DOCK4: variants seen among roughly 807,000 people sequenced by gnomAD.
DOCK4 encodes the protein dedicator of cytokinesis protein 4.
DOCK4 carries 97 observed loss-of-function variants against 268.1 expected under a neutral mutation model. The observed-to-expected ratio is 0.36, with a 90% CI of 0.31 to 0.43. DOCK4 has a LOEUF of 0.43. Ranked by LOEUF, DOCK4 falls within the 20% of genes least tolerant of loss-of-function variation. The probability of loss-of-function intolerance (pLI) is 1.00; values close to 1 mark genes in which losing one functional copy is unlikely to be tolerated. For synonymous variants in DOCK4, 954 were observed against 887.2 expected (o/e 1.08, Z -1.34); for missense variants, 2,145 against 2,455.7 (o/e 0.87, Z 2.67).
At chr7:112,092,825 A>G (rs1403949008) in intron 1 of DOCK4, among the ~76,000 whole-genome samples, 1 of 151,996 alleles carries the variant, frequency 6.6e-6, no homozygotes, top group African/African-American at 2.4e-5. Context: ...ATGAAATGAA[A>G]AGCACAGACA....
intron 1 of DOCK4, among the ~76,000 whole-genome samples, chr7:112,074,559 A>G (rs1265314269): frequency 6.6e-6 from 1 of 152,062 alleles, no homozygotes; most frequent in African/African-American, 2.4e-5. Flanking sequence ...GGGGGACTGC[A>G]AGGCTGAGAA....
At chr7:112,056,379 C>T (rs912870247) in intron 1 of DOCK4, among the ~76,000 whole-genome samples, 1 of 152,006 alleles carries the variant, frequency 6.6e-6, no homozygotes, top group South Asian at 2.1e-4. Flanking sequence ...ATGTACTATA[C>T]AAAATAGATA....
At chr7:112,068,372 G>T (rs1216105692) in intron 1 of DOCK4, among the ~76,000 whole-genome samples, 1 of 152,180 alleles carries the variant, frequency 6.6e-6, no homozygotes. Flanking sequence ...AGGTAGCATA[G>T]TACTATGATT....
rs979686356 is a variant in DOCK4, at chr7:111,777,569, C to T, written c.3679+707G>A. On this transcript the variant is annotated intron_variant, in intron 36 of 52. Coordinates refer to ENST00000428084, the MANE Select transcript of DOCK4 (RefSeq NM_001363540.2). ...TAATACATGTGGCAACTACAACATA[C>T]AGTGGGGAGGATAATGAGACCTATA... is the stretch of plus-strand genomic sequence containing the variant. Among the ~76,000 whole-genome samples the T allele has an allele frequency of 5.9e-5, 9 of 152,156 alleles. No homozygotes were observed. In the South Asian group the frequency reaches 6.2e-4, roughly 11 times the overall value.
chr7:111,969,973 G>A (rs910451755), intron 8 of DOCK4, among the ~76,000 whole-genome samples: 5 of 152,104 alleles, frequency 3.3e-5, no homozygotes, highest in African/African-American at 1.2e-4. Context: ...CTGGCCCATG[G>A]CTAATCTCCT....
At chr7:112,174,605 A>G (rs1554470692) in intron 1 of DOCK4, among the ~76,000 whole-genome samples, 1 of 152,164 alleles carries the variant, frequency 6.6e-6, no homozygotes, top group Non-Finnish European at 1.5e-5. Context: ...ACAGGGAAAA[A>G]AGGCAGGATT....
At chr7:111,883,307 G>T (rs968129206) in intron 16 of DOCK4, among the ~76,000 whole-genome samples, 3 of 152,064 alleles carry the variant, frequency 2.0e-5, no homozygotes, top group Non-Finnish European at 4.4e-5. Flanking sequence ...GGTCTATAGT[G>T]TTGGAAACAT....
chr7:111,818,243 A>T (rs1419293404), intron 27 of DOCK4, among the ~76,000 whole-genome samples: 2 of 152,166 alleles, frequency 1.3e-5, no homozygotes, highest in Non-Finnish European at 2.9e-5. Context: ...AATCCTAACC[A>T]TATGCTGAGG....
At chr7:112,100,373 C>T (rs1810566753) in intron 1 of DOCK4, among the ~76,000 whole-genome samples, 1 of 152,194 alleles carries the variant, frequency 6.6e-6, no homozygotes, top group African/African-American at 2.4e-5. Flanking sequence ...TTTACCATTC[C>T]CTTTGGGAAG....
chr7:111,760,779 T>A (rs1225582473), intron 39 of DOCK4, among the ~76,000 whole-genome samples: 3 of 136,438 alleles, frequency 2.2e-5, no homozygotes, highest in South Asian at 2.4e-4. Context: ...TGTGTGTGTG[T>A]GTGTATTCTG....
Position 112,066,695 on chromosome 7 carries a change from A to ATGTATGTATGTATGTGTG in DOCK4, c.38-62565_38-62564insCACACATACATACATACA, listed in dbSNP as rs1563052170. On this transcript the variant is annotated intron_variant, in intron 1 of 52. Coordinates refer to ENST00000428084, the MANE Select transcript of DOCK4 (RefSeq NM_001363540.2). ...CATATACATATATACATATACATAT[A>ATGTATGTATGTATGTGTG]TATATATATATATATATATATATAT... Among the ~76,000 whole-genome samples, 57 of 11,730 alleles carry ATGTATGTATGTATGTGTG rather than the reference A, an allele frequency of 4.9e-3. 4 individuals are homozygous for ATGTATGTATGTATGTGTG. The highest frequency in any genetic ancestry group is 0.011 in the African/African-American group (56 of 5,262). The allele number at this position is 11,730 out of a possible 152,430, so 7.7% of individuals were successfully genotyped here.
intron 1 of DOCK4, among the ~76,000 whole-genome samples, chr7:112,154,037 T>C (rs1379617052): frequency 6.6e-6 from 1 of 152,198 alleles, no homozygotes; most frequent in African/African-American, 2.4e-5. Flanking sequence ...AGTGGCTTGA[T>C]GTGGGCTCAC....
chr7:112,077,715 T>C (rs1808207843), intron 1 of DOCK4, among the ~76,000 whole-genome samples: 1 of 152,104 alleles, frequency 6.6e-6, no homozygotes, highest in Non-Finnish European at 1.5e-5. Flanking sequence ...TACAGTATCA[T>C]GGCAATATTC....
intron 10 of DOCK4, among the ~76,000 whole-genome samples, chr7:111,943,789 A>T (rs2134796762): frequency 6.6e-6 from 1 of 152,346 alleles, no homozygotes; most frequent in Admixed American, 6.5e-5. Context: ...TTTTCAGAAT[A>T]GATTTTTATG....
intron 52 of DOCK4, among the ~76,000 whole-genome samples, chr7:111,729,277 G>T (rs1401250714): frequency 6.6e-6 from 1 of 152,200 alleles, no homozygotes; most frequent in Non-Finnish European, 1.5e-5. Flanking sequence ...GAGGAGAAAG[G>T]AGCTGGGCAT....
chr7:112,197,723 A>G (rs1264239387), intron 1 of DOCK4, among the ~76,000 whole-genome samples: 1 of 152,196 alleles, frequency 6.6e-6, no homozygotes, highest in East Asian at 1.9e-4. Context: ...GAACAGGCAG[A>G]CTATACATAA....
chr7:112,083,205 G>T (rs1016947480), intron 1 of DOCK4, among the ~76,000 whole-genome samples: 2 of 151,980 alleles, frequency 1.3e-5, no homozygotes, highest in African/African-American at 4.8e-5. Flanking sequence ...GGAATCAGTA[G>T]AATTTTTTAT....
intron 1 of DOCK4, among the ~76,000 whole-genome samples, chr7:112,011,694 T>C (rs1209480104): frequency 2.1e-5 from 3 of 146,180 alleles, no homozygotes; most frequent in Non-Finnish European, 3.0e-5. Context: ...TTGGATTTCA[T>C]GTCACAAATG....
chr7:111,775,550 G>A (rs1012354132), intron 36 of DOCK4, among the ~76,000 whole-genome samples: 5 of 152,196 alleles, frequency 3.3e-5, no homozygotes, highest in African/African-American at 1.2e-4. Context: ...AGTTAATTCT[G>A]TTTTAGTTTT....
Sources: gnomAD v4.1 joint callset for allele counts (sites outside exome capture counted in the v4.1 genomes callset) on GRCh38, gnomAD v4.1.1 for gene constraint, MANE v1.5 for transcripts, NCBI Gene and HGNC (gene_info 2026-07-23, HGNC 2026-07-21) for gene names.